Variants in CAMK2D observed in about 807,000 individuals in gnomAD.
CAMK2D encodes the protein calcium/calmodulin dependent protein kinase II delta.
CAMK2D carries 37 observed loss-of-function variants against 84.0 expected under a neutral mutation model. The observed-to-expected ratio is 0.44, with a 90% CI of 0.34 to 0.58. The LOEUF is 0.58. Among genes scored for constraint, CAMK2D ranks in the 20% least tolerant of loss-of-function variants. The probability of loss-of-function intolerance (pLI) is 0.02; values close to 1 mark genes in which losing one functional copy is unlikely to be tolerated. For synonymous variants in CAMK2D, 202 were observed against 212.5 expected (o/e 0.95, Z 0.43); for missense variants, 448 against 652.5 (o/e 0.69, Z 3.41).
chr4:113,592,509 T>C (rs2098894506), intron 4 of CAMK2D, among the ~76,000 whole-genome samples: 1 of 152,342 alleles, frequency 6.6e-6, no homozygotes, highest in Non-Finnish European at 1.5e-5. Context: ...ATCCATGATT[T>C]TACATTTAAT....
At chr4:113,711,976 T>C (rs2099494322) in intron 2 of CAMK2D, among the ~76,000 whole-genome samples, 8 of 152,160 alleles carry the variant, frequency 5.3e-5, no homozygotes. Context: ...CACTAGGGGA[T>C]GGAACTGGGA....
rs545992704 is a variant in CAMK2D, at chr4:113,621,007, T to C, written c.221-11801A>G. Among the ~76,000 whole-genome samples the C allele has an allele frequency of 4.7e-4, 71 of 152,250 alleles. 2 individuals are homozygous for C. Among genetic ancestry groups the C allele is most frequent in the African/African-American group, 1.7e-3 (71 of 41,554 alleles). On this transcript the variant is annotated intron_variant, in intron 3 of 20. Coordinates refer to ENST00000511664, the MANE Select transcript of CAMK2D (RefSeq NM_001321571.2). ...GTGCAGTGGTGTGGTCAAGGCTCAC[T>C]GCAGACTCCAACTCCTGGGCTCAAG...
chr4:113,490,324 G>A (rs2097820103), intron 16 of CAMK2D, among the ~76,000 whole-genome samples: 1 of 147,492 alleles, frequency 6.8e-6, no homozygotes, highest in South Asian at 2.2e-4. Context: ...TTTGTACAAG[G>A]TGTAAGGAAG....
intron 2 of CAMK2D, among the ~76,000 whole-genome samples, chr4:113,690,903 T>G (rs1363208016): frequency 2.0e-5 from 3 of 152,176 alleles, no homozygotes; most frequent in African/African-American, 7.2e-5. Context: ...CTTCTCTTGA[T>G]AACAGTAACA....
rs60086423 is a variant in CAMK2D at position 113,735,126 on chromosome 4, C to G, written c.160+24194G>C. 7.5e-3 allele frequency among the ~76,000 whole-genome samples: 1,130 copies of G among 151,262 alleles called. 11 individuals are homozygous for G. Among genetic ancestry groups the G allele is most frequent in the African/African-American group, 0.026 (1,074 of 41,252 alleles). On this transcript the variant is annotated intron_variant, in intron 2 of 20. Transcript: ENST00000511664. ...ATATAAGAGCCCAGTTAGAATAATA[C>G]ACAGGAAATATATATAAAATTCTGC...
At position 113,730,060 on chromosome 4, in the gene CAMK2D, G is replaced by A. The variant is rs545525078; in HGVS notation, c.160+29260C>T. The stretch of plus-strand genomic sequence containing the variant: ...CATCTTAGGTATATGTTTGTTGTCC[G>A]TGTTCCACCACTAGATTATAAGCTT... On this transcript the variant is annotated intron_variant, in intron 2 of 20. Transcript: ENST00000511664. 5.3e-5 allele frequency among the ~76,000 whole-genome samples: 8 copies of A among 152,210 alleles called. No individual in the cohort carries two copies. The East Asian group carries it at 7.7e-4, about 15-fold the overall frequency.
intron 7 of CAMK2D, among the ~76,000 whole-genome samples, chr4:113,536,816 G>T (rs1234662638): frequency 1.3e-5 from 2 of 152,168 alleles, no homozygotes; most frequent in African/African-American, 2.4e-5. Flanking sequence ...CAGAATTTTT[G>T]AGAGGAAACT....
chr4:113,614,111 G>A (rs1260014607), intron 3 of CAMK2D, among the ~76,000 whole-genome samples: 2 of 152,004 alleles, frequency 1.3e-5, no homozygotes, highest in Non-Finnish European at 2.9e-5. Context: ...AGGATACAAA[G>A]TCAATGTTTT....
rs538944902 is a variant in CAMK2D at position 113,693,669 on chromosome 4, T to C, written c.161-31897A>G. 3.0e-3 allele frequency among the ~76,000 whole-genome samples: 451 copies of C among 152,278 alleles called. 4 individuals are homozygous for C. Among genetic ancestry groups the C allele is most frequent in the South Asian group, 0.018 (89 of 4,822 alleles). On this transcript the variant is annotated intron_variant, in intron 2 of 20. Transcript: ENST00000511664. ...TTATTGGAAATTTTCGCTCAGGACC[T>C]AATAACTTAAAAGATCTGCTGTGAA...
At chr4:113,655,595 C>T (rs72893952) in intron 3 of CAMK2D, among the ~76,000 whole-genome samples, 2,934 of 152,190 alleles carry the variant, frequency 0.019, 95 homozygotes, top group African/African-American at 0.067. Flanking sequence ...AATTACCTTG[C>T]TCTTTCTAAA....
At chr4:113,482,955 T>C (rs752442293) in intron 16 of CAMK2D, among the ~76,000 whole-genome samples, 5 of 152,234 alleles carry the variant, frequency 3.3e-5, no homozygotes, top group Non-Finnish European at 5.9e-5. Flanking sequence ...TATAATGGAT[T>C]GGCAAACTCT....
chr4:113,648,814 T>C (rs1246286122), intron 3 of CAMK2D, among the ~76,000 whole-genome samples: 2 of 152,210 alleles, frequency 1.3e-5, no homozygotes, highest in African/African-American at 4.8e-5. Context: ...AAGAAGCTTA[T>C]ATCTTCTGCC....
intron 2 of CAMK2D, among the ~76,000 whole-genome samples, chr4:113,732,369 T>C (rs2099571094): frequency 6.6e-6 from 1 of 152,066 alleles, no homozygotes; most frequent in Non-Finnish European, 1.5e-5. Context: ...GTGATCCTCC[T>C]GCATGGGCCT....
At chr4:113,520,301 G>T (rs771682726) in intron 8 of CAMK2D, among the ~76,000 whole-genome samples, 62 of 151,970 alleles carry the variant, frequency 4.1e-4, no homozygotes, top group Non-Finnish European at 7.2e-4. Context: ...TCAGCTACTC[G>T]GGAGGCTGAG....
chr4:113,673,656 T>A (rs1186067554), intron 2 of CAMK2D, among the ~76,000 whole-genome samples: 2 of 152,206 alleles, frequency 1.3e-5, no homozygotes. Context: ...ACTTGCCCAG[T>A]CCCTTACAGC....
intron 14 of CAMK2D, chr4:113,503,244 A>G (rs1474512298): frequency 1.5e-6 from 1 of 665,116 alleles, no homozygotes; most frequent in Admixed American, 1.8e-5. Context: ...TTTGATATTT[A>G]GAGATCTGAA....
intron 4 of CAMK2D, among the ~76,000 whole-genome samples, chr4:113,558,254 T>A (rs1013517812): frequency 4.6e-5 from 7 of 152,274 alleles, no homozygotes; most frequent in South Asian, 4.1e-4. Flanking sequence ...GCTAACTGAA[T>A]AACCAAGTCA....
intron 16 of CAMK2D, among the ~76,000 whole-genome samples, chr4:113,467,837 C>T (rs957013484): frequency 2.0e-5 from 3 of 152,074 alleles, no homozygotes; most frequent in African/African-American, 7.2e-5. Context: ...TGACAGCTGA[C>T]CCGATTCTGG....
intron 16 of CAMK2D, among the ~76,000 whole-genome samples, chr4:113,493,959 T>G (rs1444458456): frequency 2.0e-5 from 3 of 152,234 alleles, no homozygotes; most frequent in Non-Finnish European, 4.4e-5. Flanking sequence ...TCTGCATTCT[T>G]CACGTAGTTC....
Sources: gnomAD v4.1 joint callset for allele counts (sites outside exome capture counted in the v4.1 genomes callset) on GRCh38, gnomAD v4.1.1 for gene constraint, MANE v1.5 for transcripts, NCBI Gene and HGNC (gene_info 2026-07-23, HGNC 2026-07-21) for gene names.